The following CNGB3 variants were observed in gnomAD, a reference collection of about 807,000 sequenced individuals.
CNGB3 encodes cyclic nucleotide-gated channel beta-3.
A neutral mutation model predicts 92.8 loss-of-function variants in CNGB3; 86 were observed. The ratio of observed to expected loss-of-function variants is 0.93; its 90% confidence interval spans 0.78 to 1.11. The LOEUF (loss-of-function observed/expected upper bound fraction) is 1.11. CNGB3 is among the 50% of genes least tolerant of loss of function. CNGB3 has a pLI of 0.00. For synonymous variants in CNGB3, 333 were observed against 332.7 expected (o/e 1.00, Z -0.01); for missense variants, 1,026 against 956.8 (o/e 1.07, Z -0.95).
At chr8:86,660,532 A>C in intron 6 of CNGB3, 1 of 533,328 alleles carries the variant, frequency 1.9e-6, no homozygotes, top group African/African-American at 1.9e-5. Context: ...GATTTTTCTC[A>C]TGCATCTGTA....
chr8:86,640,059 C>T (rs2131591454), intron 10 of CNGB3, among the ~76,000 whole-genome samples: 1 of 152,078 alleles, frequency 6.6e-6, no homozygotes, highest in East Asian at 1.9e-4. Flanking sequence ...TGTTTGTACC[C>T]ATGAAATCAA....
chr8:86,642,303 G>C (rs1193473879), intron 10 of CNGB3, among the ~76,000 whole-genome samples: 2 of 151,654 alleles, frequency 1.3e-5, no homozygotes, highest in African/African-American at 4.8e-5. Flanking sequence ...TTTTACTGTA[G>C]CTGGTATTTT....
intron 3 of CNGB3, among the ~76,000 whole-genome samples, chr8:86,685,230 G>A (rs1412617166): frequency 6.6e-6 from 1 of 152,066 alleles, no homozygotes; most frequent in Admixed American, 6.6e-5. Flanking sequence ...TAACCTGAGG[G>A]CAGGCTGTTT....
intron 6 of CNGB3, chr8:86,660,801 C>T: frequency 6.1e-6 from 3 of 492,796 alleles, no homozygotes; most frequent in Admixed American, 4.2e-5. Flanking sequence ...TCCTGCTACC[C>T]TCCAAAGTCT....
In CNGB3 at chr8:86,613,717, AT is replaced by A. The variant is rs1563726991; in HGVS notation, c.1579-2047del. On this transcript the variant is annotated intron_variant, in intron 13 of 17. Transcript: ENST00000320005. ...GGCACTAATTTTTAAGGTTTTAATTATAATTTGTAAATCAAAAATGAAATTT... is the reference window on the plus strand; with the variant it reads ...GGCACTAATTTTTAAGGTTTTAATTAAATTTGTAAATCAAAAATGAAATTT... Among the ~76,000 whole-genome samples, 18 of 151,948 alleles carry A rather than the reference AT, an allele frequency of 1.2e-4. No individual in the cohort carries two copies. The South Asian group carries it at 3.7e-3, about 32-fold the overall frequency.
At chr8:86,628,644 T>A (rs2131582476) in intron 12 of CNGB3, among the ~76,000 whole-genome samples, 1 of 152,290 alleles carries the variant, frequency 6.6e-6, no homozygotes, top group African/African-American at 2.4e-5. Context: ...ACTTCCTTTT[T>A]TGTATGTGTG....
chr8:86,622,415 TA>T (rs1822757317), intron 13 of CNGB3, among the ~76,000 whole-genome samples: 1 of 150,366 alleles, frequency 6.7e-6, no homozygotes, highest in Admixed American at 6.7e-5. Context: ...ATAATTTACG[TA>T]AAATGAAATA....
At chr8:86,658,335 G>A (rs375566213) in intron 6 of CNGB3, 43 of 473,248 alleles carry the variant, frequency 9.1e-5, no homozygotes, top group East Asian at 2.9e-4. Context: ...GAGCGGAAGC[G>A]CCTCCTCCTC....
chr8:86,686,157 G>A (rs954442157), intron 3 of CNGB3, among the ~76,000 whole-genome samples: 2 of 151,948 alleles, frequency 1.3e-5, no homozygotes, highest in Admixed American at 6.6e-5. Flanking sequence ...CAAATTTTAC[G>A]GTCCAAATTA....
chr8:86,590,616 T>G (rs962251775), intron 15 of CNGB3, among the ~76,000 whole-genome samples: 8 of 151,930 alleles, frequency 5.3e-5, no homozygotes, highest in African/African-American at 1.9e-4. Flanking sequence ...TTTGGCTGGA[T>G]ATGAAATTCT....
chr8:86,715,118 CTAAGAAACCTGAATACT>C (rs368406184), intron 3 of CNGB3, among the ~76,000 whole-genome samples: 18 of 152,230 alleles, frequency 1.2e-4, no homozygotes, highest in African/African-American at 4.3e-4. Flanking sequence ...TGCCCACCAC[CTAAGAAACCTGAATACT>C]TAACCAGGCA....
At chr8:86,664,315 G>A (rs1374744630) in intron 6 of CNGB3, among the ~76,000 whole-genome samples, 1 of 152,216 alleles carries the variant, frequency 6.6e-6, no homozygotes, top group Non-Finnish European at 1.5e-5. Context: ...AAGACCTTCT[G>A]AAGATTCAAC....
intron 6 of CNGB3, chr8:86,658,113 G>A (rs112404432): frequency 0.014 from 7,425 of 528,408 alleles, 100 homozygotes; most frequent in Non-Finnish European, 0.018. Flanking sequence ...ACACAGAATC[G>A]CCTCCAGTCC....
chr8:86,643,833 T>G lies in CNGB3; in HGVS notation c.1096A>C (p.Ile366Leu). ...GCCCAGTAATAAACACAGGCATTAA[T>G]GTGCAGAATAAACAGCAAGTATCCA... ...TTGYLLFILH[I>L]NACVYYWASN... Residue 366 changes from isoleucine (I) to leucine (L), a missense_variant, in exon 10 of 18, where the codon ATT becomes CTT. Ile to Leu is a conservative substitution (Grantham distance 5). Transcript: ENST00000320005. 6.2e-7 allele frequency: 1 copy of G among 1,607,502 alleles called. No individual in the cohort carries two copies. Among genetic ancestry groups the G allele is most frequent in the South Asian group, 1.1e-5 (1 of 90,932 alleles).
At chr8:86,743,444 T>G (rs1825375111) in intron 1 of CNGB3, 55 bp downstream of exon 1, 3 of 1,605,808 alleles carry the variant, frequency 1.9e-6, no homozygotes, top group Non-Finnish European at 2.6e-6. Context: ...TAAATGCTAT[T>G]ACCAGATAAG....
intron 13 of CNGB3, among the ~76,000 whole-genome samples, chr8:86,620,841 G>A (rs1391488632): frequency 2.6e-5 from 4 of 151,830 alleles, no homozygotes; most frequent in Non-Finnish European, 5.9e-5. Flanking sequence ...CTACCTCTAT[G>A]AAAATAAATT....
At chr8:86,732,680 TC>T (rs1324582460) in intron 2 of CNGB3, among the ~76,000 whole-genome samples, 2 of 152,200 alleles carry the variant, frequency 1.3e-5, no homozygotes, top group African/African-American at 4.8e-5. Context: ...TTAGGAATTT[TC>T]TTCATCATCT....
chr8:86,625,947 A>G (rs1822837268), intron 13 of CNGB3, 36 bp downstream of exon 13: 1 of 1,504,794 alleles, frequency 6.6e-7, no homozygotes, highest in East Asian at 2.3e-5. Context: ...CCATAGAGAA[A>G]TAGATACAGA....
intron 7 of CNGB3, among the ~76,000 whole-genome samples, chr8:86,649,132 AG>A (rs1823349617): frequency 6.6e-6 from 1 of 151,748 alleles, no homozygotes; most frequent in Non-Finnish European, 1.5e-5. Context: ...AGATCTCTAC[AG>A]AGGGAACTAC....
Sources: gnomAD v4.1 joint callset for allele counts (sites outside exome capture counted in the v4.1 genomes callset) on GRCh38, gnomAD v4.1.1 for gene constraint, MANE v1.5 for transcripts, NCBI Gene and HGNC (gene_info 2026-07-23, HGNC 2026-07-21) for gene names.